Variants in CYP4X1 observed in about 807,000 individuals in gnomAD.
The protein encoded by CYP4X1 is cytochrome P450 family 4 subfamily X member 1, also known as cytochrome P450 4X1.
In CYP4X1, 44 loss-of-function variants were observed where a neutral mutation model predicts 57.9. That is an observed-to-expected ratio of 0.76 (90% CI 0.60 to 0.98). The LOEUF is 0.98. Ranked by LOEUF, CYP4X1 falls within the 50% of genes least tolerant of loss-of-function variation. The pLI is 0.00. For synonymous variants in CYP4X1, 227 were observed against 228.6 expected (o/e 0.99, Z 0.06); for missense variants, 532 against 623.9 (o/e 0.85, Z 1.57).
intron 10 of CYP4X1, 138 bp downstream of exon 10, chr1:47,048,767 G>T (rs1644329811): frequency 2.4e-6 from 2 of 847,850 alleles, no homozygotes; most frequent in African/African-American, 1.7e-5. Flanking sequence ...AAAGCCAAAA[G>T]AAATGTAAAA....
At chr1:47,021,495 G>A (rs1233946990), upstream of CYP4X1, among the ~76,000 whole-genome samples, 1 of 152,176 alleles carries the variant, frequency 6.6e-6, no homozygotes, top group African/African-American at 2.4e-5. Context: ...TAAAATCCTG[G>A]GATTGGGGTT....
chr1:47,034,205 T>C (rs1393493074), intron 4 of CYP4X1, among the ~76,000 whole-genome samples: 6 of 152,146 alleles, frequency 3.9e-5, no homozygotes, highest in African/African-American at 1.4e-4. Flanking sequence ...GGTTTGGAGA[T>C]TGGCATGGAC....
chr1:46,979,027 A>G, the CYP4X1 span, among the ~76,000 whole-genome samples: 3 of 152,238 alleles, frequency 2.0e-5, no homozygotes, highest in African/African-American at 7.2e-5. Context: ...AAACCAGGAA[A>G]GATCTAAAAT....
intron 8 of CYP4X1, among the ~76,000 whole-genome samples, chr1:47,044,420 G>C (rs1317595503): frequency 6.6e-6 from 1 of 152,106 alleles, no homozygotes. Context: ...AATTTACCTA[G>C]TTTTGGAGAT....
chr1:47,048,215 C>T (rs996574655), intron 9 of CYP4X1, among the ~76,000 whole-genome samples: 1 of 152,174 alleles, frequency 6.6e-6, no homozygotes, highest in Admixed American at 6.5e-5. Context: ...CGCCACTGCT[C>T]TCCAGCCTGA....
chr1:47,021,930 A>G (rs1249065044), upstream of CYP4X1, among the ~76,000 whole-genome samples: 2 of 152,130 alleles, frequency 1.3e-5, no homozygotes, highest in Non-Finnish European at 2.9e-5. Flanking sequence ...GCAAGATATC[A>G]CAAAGCTGAA....
At chr1:47,007,445 A>C in the CYP4X1 span, among the ~76,000 whole-genome samples, 582 of 152,300 alleles carry the variant, frequency 3.8e-3, 1 homozygote, top group African/African-American at 0.013. Flanking sequence ...ATGATCAAAG[A>C]CCAAAGGTAG....
At chr1:47,017,260 T>C in the CYP4X1 span, among the ~76,000 whole-genome samples, 5 of 152,174 alleles carry the variant, frequency 3.3e-5, no homozygotes, top group African/African-American at 1.2e-4. Flanking sequence ...CTATTTTTAG[T>C]TTTTTGAGGA....
chr1:47,027,319 T>C (rs1483837584), intron 1 of CYP4X1, among the ~76,000 whole-genome samples: 1 of 152,160 alleles, frequency 6.6e-6, no homozygotes, highest in Non-Finnish European at 1.5e-5. Context: ...GGAAATCTAG[T>C]ATCTAAGGCT....
At chr1:47,033,696 G>A (rs1040246099) in intron 4 of CYP4X1, among the ~76,000 whole-genome samples, 1 of 152,170 alleles carries the variant, frequency 6.6e-6, no homozygotes, top group African/African-American at 2.4e-5. Flanking sequence ...CCCAAAGTCT[G>A]AGGAAACTGA....
chr1:47,052,532 A>C (rs996761987), downstream of CYP4X1, among the ~76,000 whole-genome samples: 2 of 152,178 alleles, frequency 1.3e-5, no homozygotes, highest in African/African-American at 4.8e-5. Context: ...GGTGCAAGAA[A>C]ATGTCATTGG....
Position 47,050,565 on chromosome 1 carries a change from G to T in CYP4X1, c.*391G>T. On this transcript the variant is annotated 3_prime_UTR_variant, in exon 12 of 12. Transcript: ENST00000371901. ...AAAATTTTAAATCTCACTTCACTTA[G>T]CCGACATTCCATGCCCTGACCAATC... is the stretch of plus-strand genomic sequence containing the variant. 1 of 163,630 alleles carries T rather than the reference G, an allele frequency of 6.1e-6. No individual in the cohort carries two copies. Among genetic ancestry groups the T allele is most frequent in the Non-Finnish European group, 1.3e-5 (1 of 74,768 alleles). 10.1% of individuals were successfully genotyped at this position (163,630 alleles called of 1,614,324 possible). A position where few individuals can be genotyped will look rare whatever the true frequency, so the allele number is the denominator to read the frequency against.
chr1:47,043,665 G>A (rs931714974), intron 8 of CYP4X1, among the ~76,000 whole-genome samples: 8 of 152,096 alleles, frequency 5.3e-5, no homozygotes, highest in Admixed American at 3.3e-4. Context: ...TTTTGTATAA[G>A]GTGAGAGATG....
the CYP4X1 span, among the ~76,000 whole-genome samples, chr1:47,013,777 T>G: frequency 6.7e-6 from 1 of 148,850 alleles, no homozygotes; most frequent in African/African-American, 2.5e-5. Context: ...TTTTTTTTTT[T>G]TTTGAGATGG....
the CYP4X1 span, among the ~76,000 whole-genome samples, chr1:46,976,350 A>G: frequency 2.0e-5 from 3 of 152,262 alleles, no homozygotes; most frequent in Admixed American, 2.0e-4. Flanking sequence ...CACTGCTAGC[A>G]CAGCAGTCCG....
chr1:46,967,852 T>G, the CYP4X1 span: 1 of 1,191,006 alleles, frequency 8.4e-7, no homozygotes, highest in South Asian at 2.8e-5. Context: ...CATGGCAAAT[T>G]TTTTCCCAAT....
downstream of CYP4X1, among the ~76,000 whole-genome samples, chr1:47,054,507 G>A (rs1644380761): frequency 6.6e-6 from 1 of 151,822 alleles, no homozygotes; most frequent in Non-Finnish European, 1.5e-5. Context: ...AATTACCTTG[G>A]GCAGTATGGC....
chr1:47,001,381 A>G, the CYP4X1 span, among the ~76,000 whole-genome samples: 1 of 152,220 alleles, frequency 6.6e-6, no homozygotes, highest in Non-Finnish European at 1.5e-5. Context: ...ACTCTTCCAC[A>G]AACATTTCTG....
the CYP4X1 span, among the ~76,000 whole-genome samples, chr1:46,970,539 C>G: frequency 6.6e-6 from 1 of 152,110 alleles, no homozygotes; most frequent in Non-Finnish European, 1.5e-5. Context: ...AATATTGAGT[C>G]TATGTTAAAG....
Sources: gnomAD v4.1 joint callset for allele counts (sites outside exome capture counted in the v4.1 genomes callset) on GRCh38, gnomAD v4.1.1 for gene constraint, MANE v1.5 for transcripts, NCBI Gene and HGNC (gene_info 2026-07-23, HGNC 2026-07-21) for gene names.